SPACA7: variants seen among roughly 807,000 people sequenced by gnomAD.
SPACA7 encodes the protein sperm acrosome associated 7.
A neutral mutation model predicts 26.3 loss-of-function variants in SPACA7; 19 were observed. That is an observed-to-expected ratio of 0.72 (90% CI 0.50 to 1.06). The LOEUF (loss-of-function observed/expected upper bound fraction) is 1.06. SPACA7 is among the 50% of genes least tolerant of loss of function. The pLI is 0.00. For missense variants in SPACA7, 211 were observed against 229.9 expected, an observed-to-expected ratio of 0.92 and a Z score of 0.53; for synonymous variants, 84 against 84.5, an observed-to-expected ratio of 0.99 and a Z score of 0.04.
At chr13:112,414,457 C>T (rs1345482499) in intron 5 of SPACA7, among the ~76,000 whole-genome samples, 1 of 106,986 alleles carries the variant, frequency 9.3e-6, no homozygotes, top group East Asian at 3.3e-4. Context: ...GTCACTCAGG[C>T]TGTAGTGCAA....
intron 5 of SPACA7, among the ~76,000 whole-genome samples, chr13:112,409,643 A>T (rs547204099): frequency 1.4e-4 from 21 of 152,366 alleles, no homozygotes; most frequent in African/African-American, 4.8e-4. Flanking sequence ...CATCAGAGAA[A>T]TGCAAATCAA....
At chr13:112,423,137 T>C (rs1047727283) in intron 5 of SPACA7, among the ~76,000 whole-genome samples, 2 of 152,150 alleles carry the variant, frequency 1.3e-5, no homozygotes, top group African/African-American at 4.8e-5. Flanking sequence ...CTCAAGCGAT[T>C]CAAAAATTAA....
intron 5 of SPACA7, among the ~76,000 whole-genome samples, chr13:112,431,656 A>T (rs765785199): frequency 1.3e-5 from 2 of 152,252 alleles, no homozygotes; most frequent in Non-Finnish European, 2.9e-5. Flanking sequence ...CACAAAATGC[A>T]GATGTACCAA....
At chr13:112,413,081 A>T (rs1886452513) in intron 5 of SPACA7, among the ~76,000 whole-genome samples, 1 of 152,126 alleles carries the variant, frequency 6.6e-6, no homozygotes, top group Non-Finnish European at 1.5e-5. Flanking sequence ...TTGCCTTTTC[A>T]TCTTTATACT....
At chr13:112,397,836 G>C (rs1885377709) in intron 2 of SPACA7, among the ~76,000 whole-genome samples, 1 of 152,180 alleles carries the variant, frequency 6.6e-6, no homozygotes, top group African/African-American at 2.4e-5. Flanking sequence ...AATGGTCTCA[G>C]TTTTTCTGAA....
chr13:112,386,096 C>G (rs948873325), intron 1 of SPACA7, among the ~76,000 whole-genome samples: 1 of 152,228 alleles, frequency 6.6e-6, no homozygotes, highest in Non-Finnish European at 1.5e-5. Context: ...CGGGAGAAGA[C>G]AGTGCAATGC....
chr13:112,400,068 G>A (rs1885536898), intron 4 of SPACA7, among the ~76,000 whole-genome samples: 1 of 152,120 alleles, frequency 6.6e-6, no homozygotes, highest in South Asian at 2.1e-4. Flanking sequence ...ATGAGATTTG[G>A]TTGGGGACAC....
intron 4 of SPACA7, 46 bp from the exon 5 acceptor site, chr13:112,401,023 G>A: frequency 2.2e-6 from 3 of 1,387,704 alleles, no homozygotes; most frequent in Non-Finnish European, 3.1e-6. Context: ...TTATAAGTGT[G>A]TAATCAAGGA....
intron 1 of SPACA7, 107 bp downstream of exon 1, chr13:112,376,586 C>A: frequency 8.3e-7 from 1 of 1,199,404 alleles, no homozygotes; most frequent in South Asian, 1.5e-5. Context: ...ATGAATTTAC[C>A]ATTTATTCCT....
At chr13:112,407,913 C>CA (rs916679646) in intron 5 of SPACA7, among the ~76,000 whole-genome samples, 30 of 151,968 alleles carry the variant, frequency 2.0e-4, no homozygotes, top group African/African-American at 6.8e-4. Flanking sequence ...AGAGACACAA[C>CA]AAAAAAAGGG....
rs181648772 is a variant in SPACA7 at position 112,397,615 on chromosome 13, G to A, written c.152-434G>A. On this transcript the variant is annotated intron_variant, in intron 2 of 6. Coordinates refer to ENST00000283550, the MANE Select transcript of SPACA7 (RefSeq NM_145248.5). ...AGGCTCTCATGGTAAAATCTCCCTA[G>A]GAGAACCCATAGGGACGTAAAAGAA... is the stretch of plus-strand genomic sequence containing the variant. Among the ~76,000 whole-genome samples, 250 of 152,300 alleles carry A rather than the reference G, an allele frequency of 1.6e-3. 1 individual carries two copies. Among genetic ancestry groups the A allele is most frequent in the African/African-American group, 5.9e-3 (244 of 41,572 alleles).
chr13:112,406,924 GCAC>G (rs1441018240), intron 5 of SPACA7, among the ~76,000 whole-genome samples: 1 of 152,110 alleles, frequency 6.6e-6, no homozygotes, highest in Non-Finnish European at 1.5e-5. Flanking sequence ...ATTCTTCTCA[GCAC>G]CACATCACAC....
intron 5 of SPACA7, among the ~76,000 whole-genome samples, chr13:112,414,388 CTTTTTTTTTTTTTTTTTTTTTT>C (rs869183760): frequency 1.3e-3 from 41 of 31,394 alleles, no homozygotes; most frequent in South Asian, 2.4e-3. Context: ...TTTTCTGTGT[CTTTTTTTTTTTTTTTTTTTTTT>C]TTTTTTTTTT....
intron 6 of SPACA7, among the ~76,000 whole-genome samples, chr13:112,433,157 C>G (rs1388830238): frequency 6.6e-6 from 1 of 150,458 alleles, no homozygotes; most frequent in Non-Finnish European, 1.5e-5. Flanking sequence ...CCCAGCCCCT[C>G]CCCCCATACC....
At chr13:112,404,999 T>C (rs1158236642) in intron 5 of SPACA7, among the ~76,000 whole-genome samples, 2 of 147,316 alleles carry the variant, frequency 1.4e-5, no homozygotes, top group South Asian at 4.4e-4. Context: ...TTTTTTTTTT[T>C]TTTAAGACAG....
intron 5 of SPACA7, among the ~76,000 whole-genome samples, chr13:112,426,655 T>C (rs1283255674): frequency 6.6e-6 from 1 of 152,232 alleles, no homozygotes; most frequent in Admixed American, 6.5e-5. Flanking sequence ...CTGATATTAT[T>C]ATAAATGGCA....
At chr13:112,423,741 GA>G (rs1876238743) in intron 5 of SPACA7, among the ~76,000 whole-genome samples, 1 of 152,136 alleles carries the variant, frequency 6.6e-6, no homozygotes, top group Non-Finnish European at 1.5e-5. Context: ...AAATAGAAAT[GA>G]AATTAGACAT....
At position 112,383,028 on chromosome 13, in the gene SPACA7, G is replaced by GAGAGAGAGAGAGAA. The variant is rs958387601; in HGVS notation, c.94+6553_94+6566dup. ...AGAAAGACAGAAGGAAAGAAAGAAA[G>GAGAGAGAGAGAGAA]AGAGAGAGAGAGAAAGACAGAAGGA... On this transcript the variant is annotated intron_variant, in intron 1 of 6. Coordinates refer to ENST00000283550, the MANE Select transcript of SPACA7 (RefSeq NM_145248.5). 4.1e-5 allele frequency among the ~76,000 whole-genome samples: 6 copies of GAGAGAGAGAGAGAA among 145,844 alleles called. 1 individual carries two copies. The highest frequency in any genetic ancestry group is 1.3e-4 in the African/African-American group (5 of 39,932).
intron 5 of SPACA7, among the ~76,000 whole-genome samples, chr13:112,421,931 G>A (rs1365335140): frequency 6.6e-6 from 1 of 152,152 alleles, no homozygotes; most frequent in Non-Finnish European, 1.5e-5. Context: ...GACACATAGA[G>A]GGGAACAAAA....
Sources: gnomAD v4.1 joint callset for allele counts (sites outside exome capture counted in the v4.1 genomes callset) on GRCh38, gnomAD v4.1.1 for gene constraint, MANE v1.5 for transcripts, NCBI Gene and HGNC (gene_info 2026-07-23, HGNC 2026-07-21) for gene names.